The following MMP16 variants were observed in gnomAD, a reference collection of about 807,000 sequenced individuals.
MMP16 encodes the protein matrix metallopeptidase 16, also known as matrix metalloproteinase-16.
A neutral mutation model predicts 67.8 loss-of-function variants in MMP16; 12 were observed. The observed-to-expected ratio is 0.18, with a 90% CI of 0.11 to 0.29. The LOEUF (loss-of-function observed/expected upper bound fraction) is 0.29, where lower values mean the gene tolerates loss of function less well. MMP16 is among the 10% of genes least tolerant of loss of function. The pLI is 1.00. For missense variants in MMP16, 475 were observed against 765.7 expected (o/e 0.62, Z 4.48); for synonymous variants, 249 against 255.9 (o/e 0.97, Z 0.26).
At chr8:88,179,340 A>T (rs1382117293) in intron 3 of MMP16, among the ~76,000 whole-genome samples, 3 of 152,052 alleles carry the variant, frequency 2.0e-5, no homozygotes, top group Admixed American at 6.6e-5. Flanking sequence ...CCAACCTAGA[A>T]ATCTGTATCC....
chr8:88,197,111 T>C (rs759299585), intron 2 of MMP16, 47 bp downstream of exon 2: 1 of 1,586,536 alleles, frequency 6.3e-7, no homozygotes, highest in South Asian at 1.2e-5. Flanking sequence ...GACTACTTAG[T>C]TTGGCTCAAG....
intron 1 of MMP16, among the ~76,000 whole-genome samples, chr8:88,294,172 TTA>T (rs138588842): frequency 0.1 from 15,209 of 151,032 alleles, 922 homozygotes; most frequent in South Asian, 0.17. Context: ...GTATATATAA[TTA>T]TATATGTCTA....
chr8:88,206,322 G>A (rs754415711), intron 1 of MMP16, among the ~76,000 whole-genome samples: 41 of 152,096 alleles, frequency 2.7e-4, no homozygotes, highest in Admixed American at 1.8e-3. Context: ...ATGTGGTTTC[G>A]TTATGATGAT....
intron 1 of MMP16, among the ~76,000 whole-genome samples, chr8:88,235,452 G>A (rs1435701516): frequency 6.6e-6 from 1 of 151,308 alleles, no homozygotes; most frequent in East Asian, 1.9e-4. Flanking sequence ...TAAGTGATAT[G>A]CCAGGTAAAT....
At chr8:88,065,000 C>T (rs1808445836) in intron 7 of MMP16, among the ~76,000 whole-genome samples, 2 of 152,110 alleles carry the variant, frequency 1.3e-5, no homozygotes, top group Non-Finnish European at 2.9e-5. Context: ...CTACACTCTT[C>T]TTCAGCAGCC....
chr8:88,295,346 A>G (rs1018692893), intron 1 of MMP16, among the ~76,000 whole-genome samples: 1 of 152,208 alleles, frequency 6.6e-6, no homozygotes, highest in African/African-American at 2.4e-5. Flanking sequence ...GGTGCCCTAA[A>G]CACTTGGGAA....
chr8:88,326,386 G>A (rs149337320), intron 1 of MMP16, among the ~76,000 whole-genome samples: 2 of 152,216 alleles, frequency 1.3e-5, no homozygotes, highest in East Asian at 1.9e-4. Context: ...GTTTTGCCAC[G>A]AGAGTGTGAA....
chr8:88,230,174 AT>A (rs1336662825), intron 1 of MMP16, among the ~76,000 whole-genome samples: 1 of 152,066 alleles, frequency 6.6e-6, no homozygotes, highest in Non-Finnish European at 1.5e-5. Flanking sequence ...GAGACAGGAC[AT>A]TTTTAAACAC....
intron 1 of MMP16, among the ~76,000 whole-genome samples, chr8:88,287,305 T>C (rs565929535): frequency 6.6e-6 from 1 of 152,318 alleles, no homozygotes; most frequent in South Asian, 2.1e-4. Flanking sequence ...TTCTGTATGT[T>C]ATTCTGTCTG....
chr8:88,198,796 C>G (rs1809296570), intron 1 of MMP16, among the ~76,000 whole-genome samples: 1 of 151,970 alleles, frequency 6.6e-6, no homozygotes, highest in Non-Finnish European at 1.5e-5. Flanking sequence ...GAAACCTAAT[C>G]TAGTAAACTC....
chr8:88,163,365 A>G (rs1239531092), intron 4 of MMP16, among the ~76,000 whole-genome samples: 2 of 152,028 alleles, frequency 1.3e-5, no homozygotes, highest in Non-Finnish European at 2.9e-5. Flanking sequence ...TGACATCTTT[A>G]TCATAATTTG....
At chr8:88,261,256 C>T (rs1810383831) in intron 1 of MMP16, among the ~76,000 whole-genome samples, 2 of 152,172 alleles carry the variant, frequency 1.3e-5, no homozygotes, top group Non-Finnish European at 1.5e-5. Flanking sequence ...TAGATCTGTA[C>T]TGATTCTGGT....
At chr8:88,110,488 T>C (rs979021844) in intron 6 of MMP16, among the ~76,000 whole-genome samples, 126 of 151,724 alleles carry the variant, frequency 8.3e-4, no homozygotes, top group African/African-American at 3.0e-3. Flanking sequence ...GTCTTGACGA[T>C]TGCTCCCTTT....
chr8:88,053,788 A>G (rs1808298900), intron 8 of MMP16, among the ~76,000 whole-genome samples: 1 of 152,084 alleles, frequency 6.6e-6, no homozygotes, highest in African/African-American at 2.4e-5. Flanking sequence ...AACATCTATA[A>G]CTCATGACAT....
At chr8:88,244,109 G>A (rs1184175789) in intron 1 of MMP16, among the ~76,000 whole-genome samples, 3 of 151,780 alleles carry the variant, frequency 2.0e-5, no homozygotes, top group African/African-American at 7.3e-5. Flanking sequence ...TTTGTTCAGG[G>A]CAACAGTTGT....
chr8:88,159,003 C>T (rs1465381419), intron 4 of MMP16, among the ~76,000 whole-genome samples: 3 of 152,150 alleles, frequency 2.0e-5, no homozygotes, highest in African/African-American at 7.2e-5. Context: ...TCTGAGGGCT[C>T]TGTTCTGTTC....
intron 1 of MMP16, among the ~76,000 whole-genome samples, chr8:88,228,572 A>G (rs909011625): frequency 6.6e-6 from 1 of 152,116 alleles, no homozygotes; most frequent in African/African-American, 2.4e-5. Flanking sequence ...AGCTCCTTCT[A>G]AGTGACATAT....
At chr8:88,215,238 C>A (rs1200421374) in intron 1 of MMP16, among the ~76,000 whole-genome samples, 1 of 151,406 alleles carries the variant, frequency 6.6e-6, no homozygotes, top group Non-Finnish European at 1.5e-5. Context: ...GCTGAGGCAG[C>A]AGAATTGCTT....
At chr8:88,186,845 TTC>T (rs1809083195) in intron 2 of MMP16, among the ~76,000 whole-genome samples, 1 of 152,192 alleles carries the variant, frequency 6.6e-6, no homozygotes, top group African/African-American at 2.4e-5. Flanking sequence ...GATAATTTTC[TTC>T]TCTCTAATTT....
Sources: allele counts gnomAD v4.1 joint callset (sites outside exome capture counted in the v4.1 genomes callset), GRCh38; gene constraint gnomAD v4.1.1; transcripts MANE v1.5; gene names NCBI Gene and HGNC (gene_info 2026-07-23, HGNC 2026-07-21).